POU6F2: variants seen among roughly 807,000 people sequenced by gnomAD.
POU6F2 encodes POU domain, class 6, transcription factor 2.
Under a neutral mutation model 71.3 loss-of-function variants are expected in POU6F2, and 31 were observed. The ratio of observed to expected loss-of-function variants is 0.43; its 90% confidence interval spans 0.33 to 0.59. The LOEUF is 0.59. Among genes scored for constraint, POU6F2 ranks in the 20% least tolerant of loss-of-function variants. The pLI is 0.04. For synonymous variants in POU6F2, 347 were observed against 355.7 expected (o/e 0.98, Z 0.27); for missense variants, 783 against 856.8 (o/e 0.91, Z 1.07).
intron 1 of POU6F2, among the ~76,000 whole-genome samples, chr7:38,978,393 G>A (rs1258694475): frequency 6.6e-6 from 1 of 152,172 alleles, no homozygotes; most frequent in Non-Finnish European, 1.5e-5. Flanking sequence ...GAAAGTGCGA[G>A]AAGAGAATCA....
At position 39,090,443 on chromosome 7, in the gene POU6F2, A is replaced by G. The variant is rs1420367138; in HGVS notation, c.277+4412A>G. Among the ~76,000 whole-genome samples the G allele has an allele frequency of 2.0e-5, 3 of 152,150 alleles. No homozygotes were observed. The East Asian group carries it at 5.8e-4, about 29-fold the overall frequency. On this transcript the variant is annotated intron_variant, in intron 2 of 9. Transcript: ENST00000518318. ...CATTGCAGGGCATTATGGGGACTGC[A>G]CTTGGGGGTGAGGCTGCCTCATGCC...
chr7:39,004,534 T>C (rs972585816), intron 1 of POU6F2, among the ~76,000 whole-genome samples: 2 of 152,208 alleles, frequency 1.3e-5, no homozygotes, highest in African/African-American at 2.4e-5. Context: ...TTTGGACCTC[T>C]GAGTTAGAGG....
intron 1 of POU6F2, among the ~76,000 whole-genome samples, chr7:39,014,332 T>C (rs1287460499): frequency 2.0e-5 from 3 of 152,196 alleles, no homozygotes; most frequent in Non-Finnish European, 4.4e-5. Context: ...TGAAGGTCTC[T>C]TCCAGCTAAC....
intron 4 of POU6F2, among the ~76,000 whole-genome samples, chr7:39,230,323 TA>T (rs879298536): frequency 2.8e-4 from 42 of 148,274 alleles, no homozygotes; most frequent in African/African-American, 6.4e-4. Flanking sequence ...TACCAAAAAT[TA>T]AAAAAAAAAA....
intron 4 of POU6F2, among the ~76,000 whole-genome samples, chr7:39,278,739 A>AG (rs1229960177): frequency 6.6e-6 from 1 of 152,264 alleles, no homozygotes; most frequent in African/African-American, 2.4e-5. Context: ...GCTGGCATAC[A>AG]GGGGGCTATA....
chr7:39,090,691 T>C lies in POU6F2; in HGVS notation c.277+4660T>C, dbSNP rs530897549. ...TTATTTAAAATATGTATCATGCTTC[T>C]ATATTTTTAAAAGTTTCTATATCAA... On this transcript the variant is annotated intron_variant, in intron 2 of 9. Coordinates refer to ENST00000518318, the MANE Select transcript of POU6F2 (RefSeq NM_001370959.1). Among the ~76,000 whole-genome samples the C allele has an allele frequency of 1.6e-4, 24 of 152,276 alleles. No individual in the cohort carries two copies. In the South Asian group the frequency reaches 5.0e-3, roughly 32 times the overall value.
chr7:39,271,255 C>T lies in POU6F2; in HGVS notation c.598+63635C>T, dbSNP rs1285523167. On this transcript the variant is annotated intron_variant, in intron 4 of 9. Transcript: ENST00000518318. ...GTCCTTGGATAAAGTTTTATTGGAA[C>T]CCAGTCTTGCTCTTTCATTTACATA... Among the ~76,000 whole-genome samples the T allele has an allele frequency of 2.0e-5, 3 of 152,132 alleles. No homozygotes were observed. In the East Asian group the frequency reaches 5.8e-4, roughly 29 times the overall value.
At chr7:39,147,004 CATAA>C (rs1792637728) in intron 2 of POU6F2, among the ~76,000 whole-genome samples, 1 of 152,044 alleles carries the variant, frequency 6.6e-6, no homozygotes, top group African/African-American at 2.4e-5. Flanking sequence ...AGCTTAACTG[CATAA>C]ATACATTTCC....
intron 4 of POU6F2, among the ~76,000 whole-genome samples, chr7:39,324,073 A>G (rs1583524614): frequency 6.7e-6 from 1 of 149,434 alleles, no homozygotes. Flanking sequence ...GCGCAACTGC[A>G]CTCCAGCCTG....
intron 2 of POU6F2, among the ~76,000 whole-genome samples, chr7:39,108,635 A>T (rs535244372): frequency 2.2e-4 from 34 of 152,354 alleles, no homozygotes; most frequent in African/African-American, 8.2e-4. Flanking sequence ...AGAAATTATG[A>T]GATACAGTGA....
intron 7 of POU6F2, among the ~76,000 whole-genome samples, chr7:39,441,501 T>C (rs2116072210): frequency 6.6e-6 from 1 of 150,546 alleles, no homozygotes; most frequent in East Asian, 2.0e-4. Flanking sequence ...AGACTAAGAG[T>C]CCCTCTTGGG....
At chr7:39,057,662 A>T (rs1790560352) in intron 1 of POU6F2, among the ~76,000 whole-genome samples, 1 of 151,918 alleles carries the variant, frequency 6.6e-6, no homozygotes, top group Non-Finnish European at 1.5e-5. Context: ...TTCCAACACT[A>T]GTTAATTTTC....
chr7:39,141,629 A>T (rs1025787017), intron 2 of POU6F2, among the ~76,000 whole-genome samples: 1 of 152,232 alleles, frequency 6.6e-6, no homozygotes, highest in Non-Finnish European at 1.5e-5. Context: ...ATATCTTAAT[A>T]CTGCTAGGAA....
chr7:39,107,039 CTT>C (rs70977458), intron 2 of POU6F2, among the ~76,000 whole-genome samples: 3,005 of 130,906 alleles, frequency 0.023, 84 homozygotes, highest in African/African-American at 0.072. Context: ...TTCTTTCTTT[CTT>C]TTTTTTTTTT....
At chr7:39,113,950 A>C (rs1404581976) in intron 2 of POU6F2, among the ~76,000 whole-genome samples, 3 of 152,188 alleles carry the variant, frequency 2.0e-5, no homozygotes, top group Admixed American at 2.0e-4. Flanking sequence ...GGCTAGGTCC[A>C]TAGCATACTT....
chr7:39,058,610 C>T (rs1479083519), intron 1 of POU6F2, among the ~76,000 whole-genome samples: 1 of 152,144 alleles, frequency 6.6e-6, no homozygotes, highest in Non-Finnish European at 1.5e-5. Context: ...TTTCACTAGA[C>T]ATTGGAGATG....
At chr7:39,145,431 G>A (rs1792599927) in intron 2 of POU6F2, among the ~76,000 whole-genome samples, 1 of 152,234 alleles carries the variant, frequency 6.6e-6, no homozygotes, top group African/African-American at 2.4e-5. Flanking sequence ...ACCTGCCTGA[G>A]CAGAGAGAAG....
intron 1 of POU6F2, among the ~76,000 whole-genome samples, chr7:39,015,933 AAT>A: frequency 2.5e-5 from 1 of 39,936 alleles, no homozygotes; most frequent in South Asian, 6.9e-4. Context: ...AGATATATAT[AAT>A]ATATAGATAT....
intron 1 of POU6F2, among the ~76,000 whole-genome samples, chr7:39,026,757 T>TA (rs768361673): frequency 1.1e-4 from 16 of 152,016 alleles, no homozygotes; most frequent in Non-Finnish European, 1.3e-4. Context: ...TAATAATTTT[T>TA]AAAAAAACCT....
Sources: gnomAD v4.1 joint callset for allele counts (sites outside exome capture counted in the v4.1 genomes callset) on GRCh38, gnomAD v4.1.1 for gene constraint, MANE v1.5 for transcripts, NCBI Gene and HGNC (gene_info 2026-07-23, HGNC 2026-07-21) for gene names.